XRCC4: variants seen among roughly 807,000 people sequenced by gnomAD.
XRCC4 encodes X-ray repair cross complementing 4, also known as DNA repair protein XRCC4.
XRCC4 carries 28 observed loss-of-function variants against 39.1 expected under a neutral mutation model. The ratio of observed to expected loss-of-function variants is 0.72; its 90% CI spans 0.53 to 0.98. The LOEUF (loss-of-function observed/expected upper bound fraction) is 0.98, where lower values mean the gene tolerates loss of function less well. Among genes scored for constraint, XRCC4 ranks in the 50% least tolerant of loss-of-function variants. The pLI, the probability that XRCC4 is intolerant of heterozygous loss-of-function variation, is 0.00. For missense variants in XRCC4, 350 were observed against 376.4 expected (o/e 0.93, Z 0.58); for synonymous variants, 123 against 126.4 (o/e 0.97, Z 0.18).
At chr5:83,344,343 C>T (rs1249248427) in intron 7 of XRCC4, among the ~76,000 whole-genome samples, 2 of 151,576 alleles carry the variant, frequency 1.3e-5, no homozygotes, top group Non-Finnish European at 2.9e-5. Flanking sequence ...TTCAAGGGAT[C>T]CTCCTGCTTC....
chr5:83,254,081 G>GTT (rs80017147), intron 6 of XRCC4, among the ~76,000 whole-genome samples: 3 of 117,812 alleles, frequency 2.5e-5, no homozygotes, highest in East Asian at 4.8e-4. Flanking sequence ...ATCGTTTTTT[G>GTT]TTTTTTTTTT....
At chr5:83,354,415 T>A (rs539135876), downstream of XRCC4, among the ~76,000 whole-genome samples, 6 of 152,352 alleles carry the variant, frequency 3.9e-5, no homozygotes, top group African/African-American at 1.4e-4. Context: ...GCCATCTATA[T>A]GTTAATATCT....
At chr5:83,102,333 C>T (rs980469541) in intron 1 of XRCC4, among the ~76,000 whole-genome samples, 29 of 151,940 alleles carry the variant, frequency 1.9e-4, no homozygotes, top group African/African-American at 6.5e-4. Context: ...AGAGGCCTGT[C>T]GTGTGTAAGA....
At chr5:83,228,830 C>A (rs1469146228) in intron 6 of XRCC4, among the ~76,000 whole-genome samples, 1 of 151,996 alleles carries the variant, frequency 6.6e-6, no homozygotes, top group African/African-American at 2.4e-5. Context: ...TTAGTGATAT[C>A]CCGCTTTCCT....
At chr5:83,286,667 G>A (rs960267732) in intron 7 of XRCC4, among the ~76,000 whole-genome samples, 4 of 151,948 alleles carry the variant, frequency 2.6e-5, no homozygotes, top group South Asian at 2.1e-4. Flanking sequence ...ATATATTAAC[G>A]ACATCAACAA....
Position 83,205,069 on chromosome 5 carries a change from TA to T in XRCC4, c.745+150del, listed in dbSNP as rs746087463. The T allele has an allele frequency of 5.3e-6, 3 of 567,682 alleles. No individual in the cohort carries two copies. In the African/African-American group the frequency reaches 5.6e-5, roughly 11 times the overall value. The allele number at this position is 567,682 out of a possible 1,614,324, so 35.2% of individuals were successfully genotyped here. ...TTTTTATTTTAAAAACTCAAATTTT[TA>T]ATGTTAAAACTTAATATTATTTGTA... On this transcript the variant is annotated intron_variant, in intron 6 of 7. Coordinates refer to ENST00000396027, the MANE Select transcript of XRCC4 (RefSeq NM_003401.5).
chr5:83,148,685 A>C (rs1198341601), intron 3 of XRCC4, among the ~76,000 whole-genome samples: 1 of 152,166 alleles, frequency 6.6e-6, no homozygotes. Context: ...TTTTAAAAAC[A>C]ATGATTAAGT....
chr5:83,228,079 C>G (rs528742342), intron 6 of XRCC4, among the ~76,000 whole-genome samples: 15 of 152,048 alleles, frequency 9.9e-5, no homozygotes, highest in African/African-American at 3.1e-4. Context: ...ATTTTCTGTA[C>G]CAGTGTCATG....
Position 83,353,431 on chromosome 5 carries a change from A to G in XRCC4, c.*189A>G, listed in dbSNP as rs942254434. 1 of 452,774 alleles carries G rather than the reference A, an allele frequency of 2.2e-6. No homozygotes were observed. The highest frequency in any genetic ancestry group is 2.0e-5 in the African/African-American group (1 of 49,086). The allele number at this position is 452,774 out of a possible 1,614,324, so 28.0% of individuals were successfully genotyped here. ...TACAAAGATACGATTTGATGATGAC[A>G]CTGGCACATTATTCTAAACTATTCA... is the stretch of plus-strand genomic sequence containing the variant. On this transcript the variant is annotated 3_prime_UTR_variant, in exon 8 of 8. Transcript: ENST00000396027.
intron 3 of XRCC4, among the ~76,000 whole-genome samples, chr5:83,174,317 C>T (rs116429216): frequency 6.6e-6 from 1 of 152,064 alleles, no homozygotes; most frequent in African/African-American, 2.4e-5. Flanking sequence ...TTGAGTGATA[C>T]AATCAAAGAA....
At chr5:83,094,498 C>T (rs73138171) in intron 1 of XRCC4, among the ~76,000 whole-genome samples, 12,671 of 150,452 alleles carry the variant, frequency 0.084, 1,674 homozygotes, top group African/African-American at 0.28. Context: ...CTCACTGATT[C>T]TTTCTTCAGC....
chr5:83,174,700 G>A (rs1040411446), intron 3 of XRCC4, among the ~76,000 whole-genome samples: 2 of 152,114 alleles, frequency 1.3e-5, no homozygotes, highest in East Asian at 1.9e-4. Context: ...TAACACCAAG[G>A]CACTGTTCTA....
chr5:83,131,531 C>G (rs1350008963), intron 3 of XRCC4, among the ~76,000 whole-genome samples: 1 of 152,122 alleles, frequency 6.6e-6, no homozygotes, highest in Non-Finnish European at 1.5e-5. Context: ...TTGTAAGTCT[C>G]TAAGGACTTG....
chr5:83,224,443 T>A (rs1752212253), intron 6 of XRCC4, among the ~76,000 whole-genome samples: 1 of 152,150 alleles, frequency 6.6e-6, no homozygotes, highest in African/African-American at 2.4e-5. Context: ...TGTCACACTT[T>A]ATATGTTTTT....
At chr5:83,113,977 A>T (rs546126481) in intron 3 of XRCC4, among the ~76,000 whole-genome samples, 1 of 152,230 alleles carries the variant, frequency 6.6e-6, no homozygotes, top group African/African-American at 2.4e-5. Flanking sequence ...CCAAACCTCA[A>T]TTCTTGGCTT....
chr5:83,189,162 G>A (rs190051392), intron 3 of XRCC4, among the ~76,000 whole-genome samples: 72 of 152,206 alleles, frequency 4.7e-4, no homozygotes, highest in African/African-American at 1.6e-3. Flanking sequence ...TAACTATATT[G>A]TCCATGAACC....
chr5:83,307,079 C>T (rs1580491521), intron 7 of XRCC4, among the ~76,000 whole-genome samples: 1 of 152,156 alleles, frequency 6.6e-6, no homozygotes, highest in Non-Finnish European at 1.5e-5. Context: ...CTAGCCTCAC[C>T]CTGGCCAAAT....
At chr5:83,224,414 A>G (rs1752211497) in intron 6 of XRCC4, among the ~76,000 whole-genome samples, 1 of 151,896 alleles carries the variant, frequency 6.6e-6, no homozygotes, top group Non-Finnish European at 1.5e-5. Flanking sequence ...CTCCCTCTTT[A>G]TATGTTTTAT....
At chr5:83,349,855 C>T (rs1757028037) in intron 7 of XRCC4, among the ~76,000 whole-genome samples, 1 of 152,082 alleles carries the variant, frequency 6.6e-6, no homozygotes, top group Non-Finnish European at 1.5e-5. Flanking sequence ...ATAGGGATCT[C>T]ATCACCCAAG....
Sources: allele counts gnomAD v4.1 joint callset (sites outside exome capture counted in the v4.1 genomes callset), GRCh38; gene constraint gnomAD v4.1.1; transcripts MANE v1.5; gene names NCBI Gene and HGNC (gene_info 2026-07-23, HGNC 2026-07-21).